Variants in GRAP2 observed in about 807,000 individuals in gnomAD.
GRAP2 encodes GRB2-related adapter protein 2.
In GRAP2, 31 loss-of-function variants were observed where a neutral mutation model predicts 43.5. The ratio of observed to expected loss-of-function variants is 0.71; its 90% CI spans 0.54 to 0.96. The LOEUF is 0.96. Ranked by LOEUF, GRAP2 falls within the 40% of genes least tolerant of loss-of-function variation. GRAP2 has a pLI of 0.00. For synonymous variants in GRAP2, 156 were observed against 164.8 expected, an observed-to-expected ratio of 0.95 and a Z score of 0.41; for missense variants, 371 against 424.4, an observed-to-expected ratio of 0.87 and a Z score of 1.11.
chr22:39,943,287 C>G (rs2066888754), intron 1 of GRAP2, among the ~76,000 whole-genome samples: 1 of 152,108 alleles, frequency 6.6e-6, no homozygotes, highest in Non-Finnish European at 1.5e-5. Context: ...GACAAGCATT[C>G]CTGGTATATA....
At chr22:39,947,283 T>C (rs1569207758) in intron 2 of GRAP2, 99 bp downstream of exon 2, 1 of 765,562 alleles carries the variant, frequency 1.3e-6, no homozygotes, top group East Asian at 2.5e-5. Context: ...ATGTGGTTCC[T>C]TTTAAAAAGA....
chr22:39,955,294 G>A (rs1460927515), intron 2 of GRAP2, among the ~76,000 whole-genome samples: 2 of 152,006 alleles, frequency 1.3e-5, no homozygotes, highest in Non-Finnish European at 2.9e-5. Context: ...GGAGGTGGAG[G>A]TTGCAGTGAG....
chr22:39,908,573 A>G (rs986352694), intron 1 of GRAP2, among the ~76,000 whole-genome samples: 1 of 152,078 alleles, frequency 6.6e-6, no homozygotes, highest in Non-Finnish European at 1.5e-5. Context: ...TTGATTTTTT[A>G]TTACGAACAG....
intron 1 of GRAP2, among the ~76,000 whole-genome samples, chr22:39,915,298 C>T (rs941067694): frequency 1.3e-5 from 2 of 152,012 alleles, no homozygotes; most frequent in African/African-American, 2.4e-5. Context: ...TTGTGTTTCA[C>T]GGGGCACTGC....
chr22:39,968,433 C>A, intron 6 of GRAP2, 161 bp downstream of exon 6: 1 of 681,530 alleles, frequency 1.5e-6, no homozygotes, highest in Non-Finnish European at 2.5e-6. Flanking sequence ...AAAGACATCT[C>A]TATGAATTAA....
At chr22:39,916,343 A>G (rs1219836073) in intron 1 of GRAP2, among the ~76,000 whole-genome samples, 1 of 152,234 alleles carries the variant, frequency 6.6e-6, no homozygotes, top group Admixed American at 6.5e-5. Flanking sequence ...ACATCCTGCA[A>G]AAAGGCTTTG....
At chr22:39,959,951 C>T in intron 3 of GRAP2, 104 bp from the exon 4 acceptor site, 1 of 1,031,066 alleles carries the variant, frequency 9.7e-7, no homozygotes, top group Non-Finnish European at 1.5e-6. Flanking sequence ...CCCTACTGTA[C>T]AGAGTCCCCA....
At chr22:39,939,747 A>G (rs986272302) in intron 1 of GRAP2, among the ~76,000 whole-genome samples, 2 of 151,996 alleles carry the variant, frequency 1.3e-5, no homozygotes, top group South Asian at 4.2e-4. Flanking sequence ...CATCTCTACT[A>G]AAAATATAAA....
chr22:39,930,745 C>T (rs950030316), intron 1 of GRAP2, among the ~76,000 whole-genome samples: 1 of 152,158 alleles, frequency 6.6e-6, no homozygotes, highest in African/African-American at 2.4e-5. Context: ...CAATGTCCTC[C>T]ATGATCTGCC....
intron 1 of GRAP2, among the ~76,000 whole-genome samples, chr22:39,930,569 C>T (rs1363548328): frequency 6.6e-6 from 1 of 152,232 alleles, no homozygotes; most frequent in African/African-American, 2.4e-5. Context: ...AGGCCCTCAT[C>T]ATTACTAGCC....
intron 2 of GRAP2, among the ~76,000 whole-genome samples, chr22:39,954,558 C>T (rs927188779): frequency 6.6e-6 from 1 of 152,120 alleles, no homozygotes; most frequent in Non-Finnish European, 1.5e-5. Flanking sequence ...CCAGGCCCGG[C>T]TCCTTTTTGT....
intron 4 of GRAP2, among the ~76,000 whole-genome samples, chr22:39,962,272 A>G (rs1258775029): frequency 6.6e-6 from 1 of 152,134 alleles, no homozygotes; most frequent in Non-Finnish European, 1.5e-5. Context: ...AAAATAAAAA[A>G]TTAACCCAGT....
intron 4 of GRAP2, among the ~76,000 whole-genome samples, chr22:39,962,641 A>G (rs1275904412): frequency 6.6e-6 from 1 of 151,940 alleles, no homozygotes; most frequent in Non-Finnish European, 1.5e-5. Context: ...TTTTTCAGCT[A>G]GAAACTATGG....
chr22:39,933,817 A>G (rs1029857311), intron 1 of GRAP2, among the ~76,000 whole-genome samples: 1 of 151,358 alleles, frequency 6.6e-6, no homozygotes, highest in South Asian at 2.1e-4. Context: ...CTCCAACCTG[A>G]GCAACAGAGC....
chr22:39,910,034 T>C (rs2066548671), intron 1 of GRAP2, among the ~76,000 whole-genome samples: 1 of 152,202 alleles, frequency 6.6e-6, no homozygotes, highest in South Asian at 2.1e-4. Context: ...CTGCTTCCAA[T>C]CATGTCCCTC....
intron 1 of GRAP2, among the ~76,000 whole-genome samples, chr22:39,927,866 A>G (rs2066720856): frequency 6.6e-6 from 1 of 152,212 alleles, no homozygotes; most frequent in Admixed American, 6.5e-5. Flanking sequence ...TCACAGCTGC[A>G]AATTGCTCTC....
In GRAP2 at chr22:39,968,386, C is replaced by A. The variant is rs927928236; in HGVS notation, c.690+114C>A. 8 of 1,263,142 alleles carry A rather than the reference C, an allele frequency of 6.3e-6. No homozygotes were observed. The Admixed American group carries it at 1.6e-4, about 25-fold the overall frequency. 78.2% of individuals were successfully genotyped at this position (1,263,142 alleles called of 1,614,324 possible). On this transcript the variant is annotated intron_variant, in intron 6 of 7. Transcript: ENST00000344138. ...AGAGTTCATGATGAAGACCCTGGAC[C>A]CCCCCAAATGGCAGAAATAGGGAAA...
intron 1 of GRAP2, among the ~76,000 whole-genome samples, chr22:39,925,795 C>G (rs1046567350): frequency 6.6e-6 from 1 of 152,202 alleles, no homozygotes; most frequent in African/African-American, 2.4e-5. Flanking sequence ...CCGGTACCTC[C>G]CTGAGTCCCC....
chr22:39,901,309 T>C lies in GRAP2; in HGVS notation c.-36T>C, dbSNP rs1321040331. 3 of 1,253,896 alleles carry C rather than the reference T, an allele frequency of 2.4e-6. No homozygotes were observed. The highest frequency in any genetic ancestry group is 5.6e-5 in the East Asian group (1 of 17,880). 77.7% of individuals were successfully genotyped at this position (1,253,896 alleles called of 1,614,324 possible). On this transcript the variant is annotated 5_prime_UTR_variant, in exon 1 of 8. Coordinates refer to ENST00000344138, the MANE Select transcript of GRAP2 (RefSeq NM_004810.4). ...TCGGTGTCAAAGCCAAGACATAAAC[T>C]CAACCCCTTCTCTTCCAAAAGGTAT...
Sources: allele counts gnomAD v4.1 joint callset (sites outside exome capture counted in the v4.1 genomes callset), GRCh38; gene constraint gnomAD v4.1.1; transcripts MANE v1.5; gene names NCBI Gene and HGNC (gene_info 2026-07-23, HGNC 2026-07-21).